The following GLI2 variants were observed in gnomAD, a reference collection of about 807,000 sequenced individuals.
GLI2 encodes the protein transcription activator GLI2.
In GLI2, 22 loss-of-function variants were observed where a neutral mutation model predicts 78.9. The ratio of observed to expected loss-of-function variants is 0.28; its 90% CI spans 0.20 to 0.40. The LOEUF (loss-of-function observed/expected upper bound fraction) is 0.40, where lower values mean the gene tolerates loss of function less well. GLI2 is among the 10% of genes least tolerant of loss of function. GLI2 has a pLI of 1.00. For synonymous variants in GLI2, 974 were observed against 963.7 expected (o/e 1.01, Z -0.20); for missense variants, 2,097 against 2,213.2 (o/e 0.95, Z 1.05).
intron 1 of GLI2, among the ~76,000 whole-genome samples, chr2:120,754,390 A>G (rs1168570867): frequency 6.6e-6 from 1 of 152,082 alleles, no homozygotes; most frequent in Non-Finnish European, 1.5e-5. Flanking sequence ...TAATGGACAT[A>G]TCCATCATCC....
intron 2 of GLI2, among the ~76,000 whole-genome samples, chr2:120,853,744 G>A (rs1018313674): frequency 6.6e-6 from 1 of 152,118 alleles, no homozygotes; most frequent in African/African-American, 2.4e-5. Flanking sequence ...CTCTCTCCTC[G>A]CAGGCCCCAG....
chr2:120,749,138 T>G (rs1682786486), intron 1 of GLI2, among the ~76,000 whole-genome samples: 1 of 152,258 alleles, frequency 6.6e-6, no homozygotes, highest in African/African-American at 2.4e-5. Flanking sequence ...TTCCCTTGCT[T>G]ATAACACTCA....
chr2:120,937,616 C>T (rs1357017844), intron 3 of GLI2, among the ~76,000 whole-genome samples: 1 of 152,216 alleles, frequency 6.6e-6, no homozygotes, highest in Non-Finnish European at 1.5e-5. Flanking sequence ...GGGGCCCTAC[C>T]ACCTTCTTCA....
intron 2 of GLI2, among the ~76,000 whole-genome samples, chr2:120,897,006 CG>C (rs1404612014): frequency 1.3e-5 from 2 of 152,206 alleles, no homozygotes; most frequent in African/African-American, 4.8e-5. Flanking sequence ...AGGGGAGGAA[CG>C]TGTCCACCTC....
At chr2:120,858,736 G>T (rs1274348787) in intron 2 of GLI2, among the ~76,000 whole-genome samples, 1 of 152,366 alleles carries the variant, frequency 6.6e-6, no homozygotes, top group East Asian at 1.9e-4. Flanking sequence ...GTCAGGAGAT[G>T]TGGGGCAGGA....
intron 2 of GLI2, among the ~76,000 whole-genome samples, chr2:120,811,910 C>T (rs551728353): frequency 2.6e-5 from 4 of 152,118 alleles, no homozygotes; most frequent in East Asian, 1.9e-4. Flanking sequence ...CCCTACTATG[C>T]GCCGGGCAGT....
chr2:120,802,489 C>T (rs1192211394), intron 2 of GLI2, among the ~76,000 whole-genome samples: 1 of 152,200 alleles, frequency 6.6e-6, no homozygotes, highest in Admixed American at 6.5e-5. Flanking sequence ...TTTTCCCCTC[C>T]TTTAACTTCT....
intron 2 of GLI2, among the ~76,000 whole-genome samples, chr2:120,920,740 G>A (rs1474303885): frequency 6.6e-6 from 1 of 151,328 alleles, no homozygotes; most frequent in African/African-American, 2.4e-5. Flanking sequence ...GGGGAGTGAT[G>A]ATCCATTGAA....
At chr2:120,921,418 C>T (rs1679374734) in intron 2 of GLI2, among the ~76,000 whole-genome samples, 1 of 152,092 alleles carries the variant, frequency 6.6e-6, no homozygotes, top group Non-Finnish European at 1.5e-5. Context: ...CACCCAGAGC[C>T]CTGGTCTGGG....
At chr2:120,856,426 C>T (rs55968951) in intron 2 of GLI2, among the ~76,000 whole-genome samples, 1,940 of 152,222 alleles carry the variant, frequency 0.013, 20 homozygotes, top group Admixed American at 0.021. Context: ...AGGTTTGGGC[C>T]GACTGTGCCC....
chr2:120,795,093 G>A (rs1228019737), intron 1 of GLI2, among the ~76,000 whole-genome samples: 1 of 152,216 alleles, frequency 6.6e-6, no homozygotes, highest in African/African-American at 2.4e-5. Flanking sequence ...TCTAGGCCGA[G>A]TGTGGTAGTG....
chr2:120,904,582 G>A (rs2104792481), intron 2 of GLI2, among the ~76,000 whole-genome samples: 1 of 152,330 alleles, frequency 6.6e-6, no homozygotes, highest in South Asian at 2.1e-4. Context: ...CACTGTGACT[G>A]AGGAAGGACC....
intron 3 of GLI2, among the ~76,000 whole-genome samples, chr2:120,948,129 G>A (rs1454875535): frequency 1.3e-5 from 2 of 152,234 alleles, no homozygotes; most frequent in Non-Finnish European, 2.9e-5. Context: ...CAGCCTGGGA[G>A]TGAGGCCCGC....
chr2:120,837,145 A>G, intron 2 of GLI2, among the ~76,000 whole-genome samples: 1 of 152,206 alleles, frequency 6.6e-6, no homozygotes, highest in East Asian at 1.9e-4. Context: ...CTGTAATCCC[A>G]GCACTTTGGG....
chr2:120,802,244 T>A (rs1446444580), intron 2 of GLI2, among the ~76,000 whole-genome samples: 1 of 152,148 alleles, frequency 6.6e-6, no homozygotes, highest in African/African-American at 2.4e-5. Flanking sequence ...TGCCAGAATA[T>A]GCGTGAGAAA....
Position 120,827,452 on chromosome 2 carries a change from G to C in GLI2, c.148+29984G>C, listed in dbSNP as rs1158645844. Among the ~76,000 whole-genome samples, 4 of 152,220 alleles carry C rather than the reference G, an allele frequency of 2.6e-5. No individual in the cohort carries two copies. In the East Asian group the frequency reaches 5.8e-4, roughly 22 times the overall value. ...GCACTGCTGGTGGGAATGTGAAATA[G>C]TGCAGCCACTTTGGAAGACAGTATG... On this transcript the variant is annotated intron_variant, in intron 2 of 13. Coordinates refer to ENST00000361492, the MANE Select transcript of GLI2 (RefSeq NM_001374353.1).
At chr2:120,818,608 C>T (rs977160709) in intron 2 of GLI2, among the ~76,000 whole-genome samples, 5 of 152,172 alleles carry the variant, frequency 3.3e-5, no homozygotes, top group African/African-American at 9.7e-5. Context: ...ACTCCCAACA[C>T]GAATCACTCC....
At position 120,879,819 on chromosome 2, in the gene GLI2, A is replaced by G. The variant is rs917313625; in HGVS notation, c.149-47542A>G. Among the ~76,000 whole-genome samples the G allele has an allele frequency of 3.3e-5, 5 of 152,172 alleles. No individual in the cohort carries two copies. The East Asian group carries it at 7.7e-4, about 23-fold the overall frequency. On this transcript the variant is annotated intron_variant, in intron 2 of 13. Coordinates refer to ENST00000361492, the MANE Select transcript of GLI2 (RefSeq NM_001374353.1). ...TGTTCTAATGAGGAGCTTGTAACCT[A>G]TGAGAGCCCGTCTGCCGCGGGAGGC...
At chr2:120,973,714 C>G (rs923778141) in intron 8 of GLI2, among the ~76,000 whole-genome samples, 3 of 152,206 alleles carry the variant, frequency 2.0e-5, no homozygotes, top group African/African-American at 4.8e-5. Context: ...CCCAATGTAG[C>G]CCCTGGAGCT....
Sources: gnomAD v4.1 joint callset for allele counts (sites outside exome capture counted in the v4.1 genomes callset) on GRCh38, gnomAD v4.1.1 for gene constraint, MANE v1.5 for transcripts, NCBI Gene and HGNC (gene_info 2026-07-23, HGNC 2026-07-21) for gene names.